GAB2: variants seen among roughly 807,000 people sequenced by gnomAD.
GAB2 encodes the protein GRB2-associated-binding protein 2.
GAB2 carries 26 observed loss-of-function variants against 65.5 expected under a neutral mutation model. The ratio of observed to expected loss-of-function variants is 0.40; its 90% CI spans 0.29 to 0.55. GAB2 has a LOEUF of 0.55. Among genes scored for constraint, GAB2 ranks in the 20% least tolerant of loss-of-function variants. GAB2 has a pLI of 0.53. For synonymous variants in GAB2, 321 were observed against 329.6 expected (o/e 0.97, Z 0.28); for missense variants, 884 against 875.8 (o/e 1.01, Z -0.12).
chr11:78,301,330 G>GTTTTTTTTTTTTTT (rs373415325), intron 1 of GAB2, among the ~76,000 whole-genome samples: 1 of 145,726 alleles, frequency 6.9e-6, no homozygotes, highest in African/African-American at 2.6e-5. Flanking sequence ...GTATCTTGTG[G>GTTTTTTTTTTTTTT]TTTTTTGTTT....
intron 3 of GAB2, among the ~76,000 whole-genome samples, chr11:78,243,714 C>T (rs1865211376): frequency 1.4e-5 from 2 of 147,010 alleles, no homozygotes; most frequent in Non-Finnish European, 1.5e-5. Context: ...CACAGTGGCA[C>T]GTGCCTGTAG....
intron 2 of GAB2, among the ~76,000 whole-genome samples, chr11:78,261,121 G>A (rs998773317): frequency 3.3e-5 from 5 of 151,930 alleles, no homozygotes; most frequent in Admixed American, 1.3e-4. Context: ...TATATCTCAC[G>A]CATACATATA....
chr11:78,242,298 C>A (rs1046770987), intron 3 of GAB2, among the ~76,000 whole-genome samples: 1 of 151,878 alleles, frequency 6.6e-6, no homozygotes, highest in Non-Finnish European at 1.5e-5. Flanking sequence ...GTCAGGAGAT[C>A]GAGACCAACC....
chr11:78,385,009 T>C (rs1039925291), intron 1 of GAB2, among the ~76,000 whole-genome samples: 1 of 152,220 alleles, frequency 6.6e-6, no homozygotes, highest in African/African-American at 2.4e-5. Flanking sequence ...GCAGGATATC[T>C]ATGAGACTGC....
chr11:78,376,294 A>T (rs1280829960), intron 1 of GAB2, among the ~76,000 whole-genome samples: 1 of 152,240 alleles, frequency 6.6e-6, no homozygotes, highest in Non-Finnish European at 1.5e-5. Context: ...AGAAGAGCCC[A>T]TTAATGATGA....
At chr11:78,307,936 C>T (rs1019370508) in intron 1 of GAB2, among the ~76,000 whole-genome samples, 1 of 152,036 alleles carries the variant, frequency 6.6e-6, no homozygotes, top group Admixed American at 6.5e-5. Flanking sequence ...TAAGGAAGAT[C>T]CATTCTCACC....
At chr11:78,361,590 CACAG>C (rs1315728358) in intron 1 of GAB2, among the ~76,000 whole-genome samples, 4 of 152,158 alleles carry the variant, frequency 2.6e-5, no homozygotes, top group African/African-American at 9.7e-5. Flanking sequence ...AGCAAATGTT[CACAG>C]ACAAATAACT....
At chr11:78,335,767 G>A (rs190708300) in intron 1 of GAB2, among the ~76,000 whole-genome samples, 65 of 152,228 alleles carry the variant, frequency 4.3e-4, no homozygotes, top group Non-Finnish European at 8.1e-4. Context: ...TTCTATTTCT[G>A]TGAAGAATGT....
Position 78,294,158 on chromosome 11 carries a change from A to T in GAB2, c.76-13257T>A, listed in dbSNP as rs530980367. On this transcript the variant is annotated intron_variant, in intron 1 of 9. Transcript: ENST00000361507. ...TGTTCAATTCCCATCTATGAGTGAG[A>T]ACATGCGGTGTTTGGTTTTTTGTCC... 2.0e-5 allele frequency among the ~76,000 whole-genome samples: 3 copies of T among 152,270 alleles called. No homozygotes were observed. The South Asian group carries it at 6.2e-4, about 32-fold the overall frequency.
At chr11:78,390,392 C>G (rs1856819908) in intron 1 of GAB2, among the ~76,000 whole-genome samples, 1 of 152,194 alleles carries the variant, frequency 6.6e-6, no homozygotes, top group Non-Finnish European at 1.5e-5. Context: ...TTGAGACCAG[C>G]CTGAGAAACA....
chr11:78,316,331 T>C (rs1294235739), intron 1 of GAB2, among the ~76,000 whole-genome samples: 1 of 152,180 alleles, frequency 6.6e-6, no homozygotes, highest in East Asian at 1.9e-4. Flanking sequence ...TATTATGAAA[T>C]ATGTATAAAC....
intron 1 of GAB2, among the ~76,000 whole-genome samples, chr11:78,414,988 C>A (rs1857176095): frequency 6.6e-6 from 1 of 152,174 alleles, no homozygotes; most frequent in South Asian, 2.1e-4. Context: ...TCTCATGTCT[C>A]AGCCTCCTGA....
intron 1 of GAB2, among the ~76,000 whole-genome samples, chr11:78,362,506 A>G (rs895647302): frequency 6.6e-6 from 1 of 152,268 alleles, no homozygotes; most frequent in East Asian, 1.9e-4. Context: ...AAACAACAGA[A>G]AATTTCAGTG....
chr11:78,381,890 C>A (rs1856702663), intron 1 of GAB2, among the ~76,000 whole-genome samples: 1 of 152,252 alleles, frequency 6.6e-6, no homozygotes, highest in Admixed American at 6.5e-5. Flanking sequence ...ACACACTTAA[C>A]TTCGCAGTTC....
intron 1 of GAB2, among the ~76,000 whole-genome samples, chr11:78,351,818 G>T (rs1390033647): frequency 1.3e-5 from 2 of 152,266 alleles, no homozygotes; most frequent in East Asian, 3.9e-4. Flanking sequence ...ACTGGTGAGA[G>T]AAAAGAATAA....
intron 1 of GAB2, among the ~76,000 whole-genome samples, chr11:78,333,091 G>T (rs904761233): frequency 6.6e-6 from 1 of 152,042 alleles, no homozygotes; most frequent in African/African-American, 2.4e-5. Flanking sequence ...TGGGACATGT[G>T]GTACCATCAG....
intron 1 of GAB2, among the ~76,000 whole-genome samples, chr11:78,368,531 G>C (rs867956012): frequency 2.6e-4 from 39 of 152,024 alleles, no homozygotes; most frequent in African/African-American, 8.7e-4. Context: ...TACACAAATA[G>C]TCACAATACA....
At chr11:78,368,240 GT>G (rs1856523714) in intron 1 of GAB2, among the ~76,000 whole-genome samples, 1 of 152,196 alleles carries the variant, frequency 6.6e-6, no homozygotes, top group South Asian at 2.1e-4. Flanking sequence ...CAACCAGGAA[GT>G]CCATGAACAG....
chr11:78,371,596 C>A (rs1856572096), intron 1 of GAB2, among the ~76,000 whole-genome samples: 1 of 152,218 alleles, frequency 6.6e-6, no homozygotes, highest in African/African-American at 2.4e-5. Context: ...TCACTCACTA[C>A]ACTGGCAGCT....
Sources: gnomAD v4.1 joint callset for allele counts (sites outside exome capture counted in the v4.1 genomes callset) on GRCh38, gnomAD v4.1.1 for gene constraint, MANE v1.5 for transcripts, NCBI Gene and HGNC (gene_info 2026-07-23, HGNC 2026-07-21) for gene names.